The following C10orf71 variants were observed in gnomAD, a reference collection of about 807,000 sequenced individuals.
C10orf71 encodes chromosome 10 open reading frame 71, also known as cardiac-enriched FHL2-interacting protein.
For synonymous variants in C10orf71, 758 were observed against 726.3 expected (o/e 1.04, Z -0.70); for missense variants, 1,869 against 1,804.5 (o/e 1.04, Z -0.65).
chr10:49,303,774 T>C (rs1429856748), intron 1 of C10orf71, among the ~76,000 whole-genome samples: 1 of 152,240 alleles, frequency 6.6e-6, no homozygotes, highest in East Asian at 1.9e-4. Flanking sequence ...CTGAATGGTT[T>C]TCCTTGCCAT....
rs1849231640 is a variant in C10orf71 at position 49,325,944 on chromosome 10, C to T, written c.3399C>T (p.Asp1133=). 1.3e-6 allele frequency: 2 copies of T among 1,551,502 alleles called. No homozygotes were observed. Among genetic ancestry groups the T allele is most frequent in the Non-Finnish European group, 1.7e-6 (2 of 1,146,948 alleles). Residue 1133 remains aspartate (D), a synonymous_variant, in exon 3 of 3, where the codon GAC becomes GAT. Transcript: ENST00000374144. ...SDPLLELSAE[D]LRTLSPRGSL... is the part of the protein sequence containing the mutation. ...CCCTACTTGAGCTGTCGGCAGAAGA[C>T]CTCCGGACCCTCTCTCCAAGAGGTT...
upstream of C10orf71, chr10:49,299,153 C>T (rs2132389888): frequency 6.6e-6 from 1 of 152,264 alleles, no homozygotes; most frequent in South Asian, 2.1e-4. Context: ...CTTGACACCA[C>T]GCGGGTGTTG....
Position 49,323,330 on chromosome 10 carries a change from C to G in C10orf71, c.785C>G (p.Pro262Arg), listed in dbSNP as rs774897145. 3.7e-6 allele frequency: 6 copies of G among 1,613,872 alleles called. No homozygotes were observed. In the Admixed American group the frequency reaches 1.0e-4, roughly 27 times the overall value. Residue 262 changes from proline to arginine, a missense_variant, in exon 3 of 3, where the codon CCT (proline) becomes CGT (arginine). Transcript: ENST00000374144. ...CACCACAAGCCAGTCACGGGTGAGC[C>G]TGGGAGAGGCAAAGGTACCTTTCTG... is the stretch of plus-strand genomic sequence containing the variant. ...SPHHKPVTGEPGRGKGTFLHS... is the reference protein window; with the variant it reads ...SPHHKPVTGERGRGKGTFLHS...
intron 1 of C10orf71, among the ~76,000 whole-genome samples, chr10:49,301,726 G>GC (rs1848732052): frequency 1.3e-5 from 2 of 152,178 alleles, no homozygotes; most frequent in Non-Finnish European, 2.9e-5. Flanking sequence ...TCCCTTCTAA[G>GC]CCCAGGTCAG....
chr10:49,323,140 C>A lies in C10orf71; in HGVS notation c.595C>A (p.Pro199Thr). 1 of 1,613,972 alleles carries A rather than the reference C, an allele frequency of 6.2e-7. No individual in the cohort carries two copies. Residue 199 changes from proline to threonine, a missense_variant, in exon 3 of 3, where the codon CCC becomes ACC. Coordinates refer to ENST00000374144, the MANE Select transcript of C10orf71 (RefSeq NM_001135196.2). ...TGCCTTTCTGACAGTCAGGAGGGTG[C>A]CCGCTGAAGTTTCCAACACCCATCA... Reference protein sequence around the residue: ...DSAFLTVRRVPAEVSNTHQNS... With the variant: ...DSAFLTVRRVTAEVSNTHQNS...
intron 1 of C10orf71, among the ~76,000 whole-genome samples, chr10:49,310,285 G>A (rs555028112): frequency 6.6e-6 from 1 of 152,290 alleles, no homozygotes; most frequent in East Asian, 1.9e-4. Context: ...ATTACATGAC[G>A]TGAAAGTGAA....
intron 1 of C10orf71, among the ~76,000 whole-genome samples, chr10:49,302,379 A>G (rs770218152): frequency 1.9e-4 from 29 of 152,240 alleles, no homozygotes; most frequent in Non-Finnish European, 3.2e-4. Context: ...GCAGAGGTCA[A>G]GGGGTTAGAG....
Position 49,324,237 on chromosome 10 carries a change from C to G in C10orf71, c.1692C>G (p.Asp564Glu), listed in dbSNP as rs746515860. ...TTTCTAAGGAGAGACCCGCTGATGACCCCACTGCATCACACATCAATCCCC... is the reference window on the plus strand; with the variant it reads ...TTTCTAAGGAGAGACCCGCTGATGAGCCCACTGCATCACACATCAATCCCC... ...NELSKERPAD[D>E]PTASHINPQK... is the part of the protein sequence containing the mutation. The change falls in exon 3 of 3, where the codon GAC (aspartate) becomes GAG (glutamate). Residue 564 changes from aspartate (D) to glutamate (E), a missense_variant. By Grantham distance (45) the Asp-to-Glu change is conservative. Transcript: ENST00000374144. 10 of 1,613,848 alleles carry G rather than the reference C, an allele frequency of 6.2e-6. No homozygotes were observed. In the East Asian group the frequency reaches 2.2e-4, roughly 36 times the overall value.
chr10:49,325,550 C>T lies in C10orf71; in HGVS notation c.3005C>T (p.Pro1002Leu). The T allele has an allele frequency of 6.4e-7, 1 of 1,550,654 alleles. No homozygotes were observed. The highest frequency in any genetic ancestry group is 8.7e-7 in the Non-Finnish European group (1 of 1,146,110). ...AAGCTGGCAGCCCCATGGCACATCC[C>T]CACCATTGCTTTACCCGAGGGTGAC... Reference protein sequence around the residue: ...SGKLAAPWHIPTIALPEGDIE... With the variant: ...SGKLAAPWHILTIALPEGDIE... Residue 1002 changes from proline (P) to leucine (L), a missense_variant, in exon 3 of 3, where the codon CCC (proline) becomes CTC (leucine). By Grantham distance (98) the Pro-to-Leu change is moderately conservative (BLOSUM62 -3). Transcript: ENST00000374144.
At position 49,326,186 on chromosome 10, in the gene C10orf71, TG is replaced by T; in HGVS notation, c.3643del (p.Glu1215SerfsTer80). ...SQEGKPCPED[L>X]EQTQQRPLCP... Reference sequence around the variant, plus strand: ...GAGGGAAAGCCCTGCCCGGAGGACTTGGAGCAGACACAGCAAAGGCCGCTGT... The same window carrying T: ...GAGGGAAAGCCCTGCCCGGAGGACTTGAGCAGACACAGCAAAGGCCGCTGT... On this transcript the variant is annotated frameshift_variant, in exon 3 of 3. Coordinates refer to ENST00000374144, the MANE Select transcript of C10orf71 (RefSeq NM_001135196.2). LOFTEE classifies it low-confidence loss of function (END_TRUNC). 1 of 1,551,470 alleles carries T rather than the reference TG, an allele frequency of 6.4e-7. No individual in the cohort carries two copies. Among genetic ancestry groups the T allele is most frequent in the Non-Finnish European group, 8.7e-7 (1 of 1,146,954 alleles).
rs200434895 is a variant in C10orf71, at chr10:49,315,542, C to CA, written c.-247-596dup. On this transcript the variant is annotated intron_variant, in intron 1 of 2. Transcript: ENST00000374144. ...AGGGCCTTGAGTCAGATTTTATTTG[C>CA]AAAAAAATAATTCACAACTGGGTCA... Among the ~76,000 whole-genome samples, 5 of 151,938 alleles carry CA rather than the reference C, an allele frequency of 3.3e-5. No individual in the cohort carries two copies. The East Asian group carries it at 9.7e-4, about 29-fold the overall frequency.
Position 49,325,458 on chromosome 10 carries a change from G to C in C10orf71, c.2913G>C (p.Lys971Asn), listed in dbSNP as rs1590342776. ...TGGTGGGAGAGGGGGACCGGGTGAA[G>C]GCACCACCAGATGCTGCACCTGGCC... is the stretch of plus-strand genomic sequence containing the variant. ...MPLVGEGDRVKAPPDAAPGLV... is the reference protein window; with the variant it reads ...MPLVGEGDRVNAPPDAAPGLV... The change falls in exon 3 of 3, where the codon AAG (lysine) becomes AAC (asparagine). Residue 971 changes from lysine (K) to asparagine (N), a missense_variant. Physicochemically the swap from Lys to Asn is moderately conservative, Grantham distance 94. Coordinates refer to ENST00000374144, the MANE Select transcript of C10orf71 (RefSeq NM_001135196.2). The C allele has an allele frequency of 6.4e-7, 1 of 1,550,468 alleles. No homozygotes were observed. The highest frequency in any genetic ancestry group is 8.7e-7 in the Non-Finnish European group (1 of 1,146,056).
Position 49,322,456 on chromosome 10 carries a change from T to A in C10orf71, c.-90T>A, listed in dbSNP as rs187490020. The A allele has an allele frequency of 6.0e-4, 850 of 1,423,196 alleles. 4 individuals carry two copies. The African/African-American group carries it at 0.011, about 18-fold the overall frequency. The allele number at this position is 1,423,196 out of a possible 1,614,324, so 88.2% of individuals were successfully genotyped here. On this transcript the variant is annotated 5_prime_UTR_variant, in exon 3 of 3. Coordinates refer to ENST00000374144, the MANE Select transcript of C10orf71 (RefSeq NM_001135196.2). ...GCATCTGGTCAATGAGAGGCTCTAG[T>A]TTTGGGGAAGAGGGAAACACCTAAC...
Position 49,325,631 on chromosome 10 carries a change from C to A in C10orf71, c.3086C>A (p.Pro1029Gln), listed in dbSNP as rs371013291. ...QPENCWEEQT[P>Q]GFKSHFLSTP... ...GAAAACTGTTGGGAAGAGCAAACAC[C>A]AGGTTTCAAGAGTCACTTTTTGTCC... Residue 1029 changes from proline to glutamine, a missense_variant, in exon 3 of 3, where the codon CCA becomes CAA. By Grantham distance (76) the Pro-to-Gln change is moderately conservative. Transcript: ENST00000374144. 1 of 1,552,136 alleles carries A rather than the reference C, an allele frequency of 6.4e-7. No individual in the cohort carries two copies.
intron 1 of C10orf71, among the ~76,000 whole-genome samples, chr10:49,300,069 C>T (rs1403401712): frequency 4.6e-5 from 7 of 152,170 alleles, no homozygotes; most frequent in East Asian, 1.9e-4. Flanking sequence ...ACATTGAGAA[C>T]GGCAGTGGTC....
chr10:49,307,569 C>G (rs778431720), intron 1 of C10orf71, among the ~76,000 whole-genome samples: 1 of 152,226 alleles, frequency 6.6e-6, no homozygotes, highest in African/African-American at 2.4e-5. Context: ...TTAAGCAGTG[C>G]GAGCTCCGGA....
intron 1 of C10orf71, among the ~76,000 whole-genome samples, chr10:49,310,802 G>GGTGATGA (rs1564684839): frequency 1.8e-5 from 1 of 55,230 alleles, no homozygotes. Context: ...GATGATGATG[G>GGTGATGA]TGATGATGAT....
At chr10:49,322,322 C>A (rs1392790300) in intron 2 of C10orf71, 80 bp from the exon 3 acceptor site, 1 of 496,722 alleles carries the variant, frequency 2.0e-6, no homozygotes, top group Non-Finnish European at 3.5e-6. Flanking sequence ...CTCACAGGCA[C>A]CATTTTCCAC....
In C10orf71 at chr10:49,325,760, C is replaced by T; in HGVS notation, c.3215C>T (p.Ala1072Val). 1.3e-6 allele frequency: 2 copies of T among 1,551,424 alleles called. No individual in the cohort carries two copies. Among genetic ancestry groups the T allele is most frequent in the South Asian group, 2.4e-5 (2 of 84,032 alleles). The change falls in exon 3 of 3, where the codon GCC becomes GTC. Residue 1072 changes from alanine (A) to valine (V), a missense_variant. Ala to Val is a moderately conservative substitution (Grantham distance 64). Transcript: ENST00000374144. ...PGESSACSPA[A>V]SNIWEESSQA... The stretch of plus-strand genomic sequence containing the variant: ...GAGAGCAGTGCCTGCTCCCCTGCTG[C>T]CAGCAACATTTGGGAGGAGTCTTCC...
Sources: gnomAD v4.1 joint callset for allele counts (sites outside exome capture counted in the v4.1 genomes callset) on GRCh38, gnomAD v4.1.1 for gene constraint, MANE v1.5 for transcripts, NCBI Gene and HGNC (gene_info 2026-07-23, HGNC 2026-07-21) for gene names.